Variants in GABRG3 observed in about 807,000 individuals in gnomAD.
GABRG3 encodes gamma-aminobutyric acid type A receptor subunit gamma3.
A neutral mutation model predicts 48.8 loss-of-function variants in GABRG3; 25 were observed. That is an observed-to-expected ratio of 0.51 (90% CI 0.37 to 0.72). The LOEUF (loss-of-function observed/expected upper bound fraction) is 0.72, where lower values mean the gene tolerates loss of function less well. Ranked by LOEUF, GABRG3 falls within the 30% of genes least tolerant of loss-of-function variation. GABRG3 has a pLI of 0.00. For synonymous variants in GABRG3, 227 were observed against 217.6 expected (o/e 1.04, Z -0.38); for missense variants, 394 against 577.9 (o/e 0.68, Z 3.26).
intron 5 of GABRG3, among the ~76,000 whole-genome samples, chr15:27,444,197 C>A (rs4617806): frequency 1.3e-5 from 2 of 152,114 alleles, no homozygotes; most frequent in African/African-American, 4.8e-5. Context: ...GAAGTGGGAT[C>A]AACTTCATCA....
intron 3 of GABRG3, among the ~76,000 whole-genome samples, chr15:27,322,000 G>A (rs1438953247): frequency 2.6e-5 from 4 of 152,182 alleles, no homozygotes; most frequent in East Asian, 1.9e-4. Flanking sequence ...TGGAGGGTCC[G>A]CATGAGTTTC....
At chr15:27,017,390 T>C (rs1312432058) in intron 2 of GABRG3, among the ~76,000 whole-genome samples, 1 of 152,168 alleles carries the variant, frequency 6.6e-6, no homozygotes, top group East Asian at 1.9e-4. Context: ...GTTTCTTTGG[T>C]GGTGTAGCAA....
At chr15:27,046,180 G>A (rs895406014) in intron 3 of GABRG3, among the ~76,000 whole-genome samples, 6 of 152,030 alleles carry the variant, frequency 3.9e-5, no homozygotes, top group South Asian at 2.1e-4. Context: ...CGCAACGTCC[G>A]TCTCCGGGGT....
At chr15:27,036,695 T>C (rs778177412) in intron 3 of GABRG3, among the ~76,000 whole-genome samples, 1 of 151,982 alleles carries the variant, frequency 6.6e-6, no homozygotes, top group Non-Finnish European at 1.5e-5. Flanking sequence ...ATCTCAAAAA[T>C]AATAATAATA....
rs150129344 is a variant in GABRG3 at position 26,976,085 on chromosome 15, A to G, written c.54-917A>G. Among the ~76,000 whole-genome samples the G allele has an allele frequency of 4.2e-4, 64 of 151,974 alleles. 1 individual carries two copies. In the East Asian group the frequency reaches 0.012, roughly 28 times the overall value. ...AAGTACAAGTGTGTGCCAATTATAA[A>G]CCAAACATTTTTTAAAAAACCCAAA... On this transcript the variant is annotated intron_variant, in intron 1 of 9. Coordinates refer to ENST00000615808, the MANE Select transcript of GABRG3 (RefSeq NM_033223.5). The surrounding 1 kb of genome is among the most constrained non-coding windows in gnomAD (Gnocchi z 7.8).
chr15:27,046,681 C>G (rs1896371212), intron 3 of GABRG3, among the ~76,000 whole-genome samples: 1 of 152,188 alleles, frequency 6.6e-6, no homozygotes. Flanking sequence ...AAAGTCACAG[C>G]ATGTTGGTGT....
chr15:27,281,433 G>C (rs755490155), intron 3 of GABRG3, among the ~76,000 whole-genome samples: 2 of 150,138 alleles, frequency 1.3e-5, no homozygotes, highest in Non-Finnish European at 3.0e-5. Flanking sequence ...TGAAAGGATA[G>C]CATCTCTCTG....
At chr15:27,118,656 A>G (rs1897682620) in intron 3 of GABRG3, among the ~76,000 whole-genome samples, 1 of 152,202 alleles carries the variant, frequency 6.6e-6, no homozygotes, top group African/African-American at 2.4e-5. Context: ...AATTTTACCA[A>G]AAGTCATAGG....
chr15:27,477,943 G>C (rs1284631170), intron 5 of GABRG3, among the ~76,000 whole-genome samples: 4 of 152,046 alleles, frequency 2.6e-5, no homozygotes, highest in African/African-American at 9.7e-5. Context: ...CTACTCAAGA[G>C]GCTGAGGTAG....
At chr15:27,215,562 C>T (rs1460325144) in intron 3 of GABRG3, among the ~76,000 whole-genome samples, 1 of 152,178 alleles carries the variant, frequency 6.6e-6, no homozygotes, top group Non-Finnish European at 1.5e-5. Flanking sequence ...TGCAAGGATC[C>T]TAAGACCCCT....
At chr15:27,510,446 C>A (rs574455264) in intron 6 of GABRG3, among the ~76,000 whole-genome samples, 10 of 152,276 alleles carry the variant, frequency 6.6e-5, no homozygotes, top group African/African-American at 2.2e-4. Flanking sequence ...TTTTGTTGCC[C>A]TTCCCCCTGT....
At chr15:27,059,298 G>T (rs563121796) in intron 3 of GABRG3, among the ~76,000 whole-genome samples, 2 of 152,318 alleles carry the variant, frequency 1.3e-5, no homozygotes, top group East Asian at 3.9e-4. Context: ...AGCTACAGGT[G>T]GTTTGGAAGC....
chr15:27,035,571 G>A (rs1896162526), intron 3 of GABRG3, among the ~76,000 whole-genome samples: 1 of 152,122 alleles, frequency 6.6e-6, no homozygotes, highest in Admixed American at 6.6e-5. Flanking sequence ...AAAAGGTGGG[G>A]CTGTTGGGTT....
intron 3 of GABRG3, among the ~76,000 whole-genome samples, chr15:27,191,164 G>A (rs1285845360): frequency 6.6e-6 from 1 of 152,116 alleles, no homozygotes; most frequent in Non-Finnish European, 1.5e-5. Context: ...GTCAATTTTG[G>A]AATAGGTGTG....
At chr15:27,150,953 C>A (rs1898300544) in intron 3 of GABRG3, among the ~76,000 whole-genome samples, 1 of 152,192 alleles carries the variant, frequency 6.6e-6, no homozygotes, top group Non-Finnish European at 1.5e-5. Flanking sequence ...TGAAGAAATC[C>A]TGCACAACAT....
At chr15:27,062,516 G>A (rs574725113) in intron 3 of GABRG3, among the ~76,000 whole-genome samples, 90 of 150,900 alleles carry the variant, frequency 6.0e-4, no homozygotes, top group African/African-American at 2.1e-3. Context: ...GCTGAGGCAG[G>A]AGAATCGCTT....
chr15:27,404,840 G>C (rs967825145), intron 5 of GABRG3, among the ~76,000 whole-genome samples: 3 of 152,196 alleles, frequency 2.0e-5, no homozygotes, highest in African/African-American at 7.2e-5. Flanking sequence ...TGTGCTCTTG[G>C]TCTGTCTCAG....
chr15:27,485,953 C>T (rs1041352437), intron 6 of GABRG3, among the ~76,000 whole-genome samples: 1 of 152,210 alleles, frequency 6.6e-6, no homozygotes, highest in Non-Finnish European at 1.5e-5. Context: ...GCAGGTTAAT[C>T]CATATCTTTG....
intron 7 of GABRG3, among the ~76,000 whole-genome samples, chr15:27,523,182 T>G (rs3097500): frequency 0.56 from 84,457 of 151,574 alleles, 23,674 homozygotes; most frequent in East Asian, 0.67. Context: ...GACCAGAAAG[T>G]GAATCTTAGG....
Sources: allele counts gnomAD v4.1 joint callset (sites outside exome capture counted in the v4.1 genomes callset), GRCh38; gene constraint gnomAD v4.1.1; non-coding constraint Gnocchi (gnomAD v3.1); transcripts MANE v1.5; gene names NCBI Gene and HGNC (gene_info 2026-07-23, HGNC 2026-07-21).